The following PLCG2 variants were observed in gnomAD, a reference collection of about 807,000 sequenced individuals.
PLCG2 encodes the protein phospholipase C gamma 2, also known as 1-phosphatidylinositol 4,5-bisphosphate phosphodiesterase gamma-2.
In PLCG2, 69 loss-of-function variants were observed where a neutral mutation model predicts 175.6. The observed-to-expected ratio is 0.39, with a 90% CI of 0.32 to 0.48. The LOEUF is 0.48. Ranked by LOEUF, PLCG2 falls within the 20% of genes least tolerant of loss-of-function variation. The pLI is 0.91. For missense variants in PLCG2, 1,798 were observed against 1,650.9 expected (o/e 1.09, Z -1.54); for synonymous variants, 827 against 624.0 (o/e 1.33, Z -4.85).
chr16:81,901,394 G>C, intron 14 of PLCG2, among the ~76,000 whole-genome samples: 1 of 152,208 alleles, frequency 6.6e-6, no homozygotes. Context: ...TTAAAGCACA[G>C]AAGAGTTTAT....
At chr16:81,935,426 TA>T (rs34154117) in intron 26 of PLCG2, 106,988 of 499,012 alleles carry the variant, frequency 0.21, 6,883 homozygotes, top group East Asian at 0.39. Context: ...GGGGGCCATT[TA>T]AAAAAAAAAA....
At chr16:81,780,297 C>A (rs983759510) in intron 1 of PLCG2, among the ~76,000 whole-genome samples, 1 of 152,152 alleles carries the variant, frequency 6.6e-6, no homozygotes, top group African/African-American at 2.4e-5. Flanking sequence ...ATACTGGAGC[C>A]ACCCAATTTT....
chr16:81,891,318 G>T (rs1445019175), intron 10 of PLCG2, among the ~76,000 whole-genome samples, 154 bp from the exon 11 acceptor site: 1 of 152,168 alleles, frequency 6.6e-6, no homozygotes, highest in Non-Finnish European at 1.5e-5. Flanking sequence ...TGAGCCTTCG[G>T]TATTGAAAAC....
At chr16:81,786,214 C>A (rs369426093) in intron 2 of PLCG2, 32 bp downstream of exon 2, 29 of 1,592,016 alleles carry the variant, frequency 1.8e-5, no homozygotes, top group Non-Finnish European at 2.5e-5. Flanking sequence ...CAGTGTGGCC[C>A]GTCCTCTGGG....
intron 5 of PLCG2, among the ~76,000 whole-genome samples, chr16:81,862,855 G>A (rs894581033): frequency 6.6e-6 from 1 of 152,114 alleles, no homozygotes; most frequent in Non-Finnish European, 1.5e-5. Context: ...CTGGGCAACA[G>A]AGTGAGATCC....
chr16:81,895,545 G>T, intron 12 of PLCG2: 2 of 415,512 alleles, frequency 4.8e-6, no homozygotes, highest in Non-Finnish European at 8.8e-6. Flanking sequence ...GGGCAACAGA[G>T]CGAGACTCTG....
chr16:81,904,825 A>G (rs1567525577), intron 14 of PLCG2, among the ~76,000 whole-genome samples: 1 of 152,186 alleles, frequency 6.6e-6, no homozygotes, highest in African/African-American at 2.4e-5. Flanking sequence ...GACAAGTGAG[A>G]GGAATAAAGC....
chr16:81,818,804 C>T (rs1355906941), intron 2 of PLCG2, among the ~76,000 whole-genome samples: 1 of 150,996 alleles, frequency 6.6e-6, no homozygotes, highest in Non-Finnish European at 1.5e-5. Context: ...TGGAGGGCAG[C>T]CTCATGAGAA....
chr16:81,846,455 C>A (rs1042336287), intron 2 of PLCG2, among the ~76,000 whole-genome samples: 1 of 152,218 alleles, frequency 6.6e-6, no homozygotes, highest in Non-Finnish European at 1.5e-5. Context: ...GGGAACCAAC[C>A]TATGATAACA....
At position 81,919,568 on chromosome 16, in the gene PLCG2, G is replaced by A; in HGVS notation, c.2139G>A (p.Leu713=). 6.2e-7 allele frequency: 1 copy of A among 1,614,116 alleles called. No homozygotes were observed. The highest frequency in any genetic ancestry group is 8.5e-7 in the Non-Finnish European group (1 of 1,179,974). The change falls in exon 20 of 33, where the codon CTG becomes CTA. Residue 713 remains leucine (L), a synonymous_variant. Transcript: ENST00000564138. ...VLGTSAYFES[L]VELVSYYEKH... ...GGACCTCCGCCTATTTTGAGAGTCTGGTGGAGCTCGTCAGTTACTACGAGA... is the reference window on the plus strand; with the variant it reads ...GGACCTCCGCCTATTTTGAGAGTCTAGTGGAGCTCGTCAGTTACTACGAGA...
rs778175100 is a variant in PLCG2 at position 81,928,616 on chromosome 16, A to C, written c.2573A>C (p.Tyr858Ser). The C allele has an allele frequency of 6.2e-7, 1 of 1,602,528 alleles. No individual in the cohort carries two copies. The highest frequency in any genetic ancestry group is 1.7e-5 in the Admixed American group (1 of 60,012). Residue 858 changes from tyrosine (Y) to serine (S), a missense_variant, in exon 24 of 33, where the codon TAT becomes TCT. Physicochemically the swap from Tyr to Ser is moderately radical, Grantham distance 144. Coordinates refer to ENST00000564138, the MANE Select transcript of PLCG2 (RefSeq NM_002661.5). ...LCRGILDLNT[Y>S]NVVKAPQGKN... ...AGAGGAATATTGGACCTCAATACCTATAACGTCGGTACGTGCACACATCAT... is the reference window on the plus strand; with the variant it reads ...AGAGGAATATTGGACCTCAATACCTCTAACGTCGGTACGTGCACACATCAT...
chr16:81,897,943 G>A, intron 13 of PLCG2: 1 of 445,870 alleles, frequency 2.2e-6, no homozygotes, highest in Non-Finnish European at 4.5e-6. Flanking sequence ...TTCGCACTTG[G>A]TGAAAACCTT....
At chr16:81,778,054 A>G (rs1332877382), upstream of PLCG2, among the ~76,000 whole-genome samples, 6 of 90,370 alleles carry the variant, frequency 6.6e-5, no homozygotes, top group Non-Finnish European at 8.5e-5. Flanking sequence ...AAAAAAAAAA[A>G]CAAAAAAAAC....
At position 81,854,669 on chromosome 16, in the gene PLCG2, C is replaced by A. The variant is rs41305759; in HGVS notation, c.337+82C>A. The stretch of plus-strand genomic sequence containing the variant: ...AAGTTCGCTAATAGCAGAATGCTCA[C>A]CCCTGCCTGCTCACTGATGTGTATT... On this transcript the variant is annotated intron_variant, in intron 3 of 32. Transcript: ENST00000564138. 0.065 allele frequency: 81,381 copies of A among 1,243,098 alleles called. 3,091 individuals are homozygous for A. The highest frequency in any genetic ancestry group is 0.077 in the Non-Finnish European group (65,608 of 856,686). 77.0% of individuals were successfully genotyped at this position (1,243,098 alleles called of 1,614,324 possible). A position where few individuals can be genotyped will look rare whatever the true frequency, so the allele number is the denominator to read the frequency against.
chr16:81,844,453 C>G (rs917973985), intron 2 of PLCG2, among the ~76,000 whole-genome samples: 1 of 152,206 alleles, frequency 6.6e-6, no homozygotes, highest in Admixed American at 6.5e-5. Context: ...TTCCTAGTAA[C>G]TGCGATTACA....
In PLCG2 at chr16:81,939,511, T is replaced by A. The variant is rs141755615; in HGVS notation, c.3314-381T>A. ...TTGCCTGCTCTGTGAGGCTGGGCTC[T>A]CCCCTGCCAGCTGTAGAACCCCCTG... is the stretch of plus-strand genomic sequence containing the variant. On this transcript the variant is annotated intron_variant, in intron 29 of 32. Transcript: ENST00000564138. Among the ~76,000 whole-genome samples, 185 of 152,302 alleles carry A rather than the reference T, an allele frequency of 1.2e-3. No individual in the cohort carries two copies. The East Asian group carries it at 0.025, about 21-fold the overall frequency.
At chr16:81,942,640 G>A (rs184722499) in intron 30 of PLCG2, among the ~76,000 whole-genome samples, 104 of 152,328 alleles carry the variant, frequency 6.8e-4, no homozygotes, top group African/African-American at 2.3e-3. Context: ...AATCCTCACA[G>A]TAATCCTGTG....
At chr16:81,925,876 ACT>A (rs1910245828) in intron 22 of PLCG2, among the ~76,000 whole-genome samples, 2 of 116,858 alleles carry the variant, frequency 1.7e-5, no homozygotes, top group African/African-American at 6.9e-5. Context: ...ACAGAGTGAG[ACT>A]CTGTCTCAAA....
intron 14 of PLCG2, among the ~76,000 whole-genome samples, chr16:81,901,233 C>T (rs1000683794): frequency 2.0e-5 from 3 of 152,132 alleles, no homozygotes; most frequent in Non-Finnish European, 4.4e-5. Context: ...GTGTGGGAGG[C>T]GGGCAGTTGC....
Sources: gnomAD v4.1 joint callset for allele counts (sites outside exome capture counted in the v4.1 genomes callset) on GRCh38, gnomAD v4.1.1 for gene constraint, MANE v1.5 for transcripts, NCBI Gene and HGNC (gene_info 2026-07-23, HGNC 2026-07-21) for gene names.